PCDH17: variants seen among roughly 807,000 people sequenced by gnomAD.
PCDH17 encodes the protein protocadherin-17.
A neutral mutation model predicts 67.7 loss-of-function variants in PCDH17; 21 were observed. That is an observed-to-expected ratio of 0.31 (90% CI 0.22 to 0.45). The LOEUF is 0.45. Ranked by LOEUF, PCDH17 falls within the 20% of genes least tolerant of loss-of-function variation. PCDH17 has a pLI of 1.00. For missense variants in PCDH17, 1,471 were observed against 1,564.8 expected, an observed-to-expected ratio of 0.94 and a Z score of 1.01; for synonymous variants, 701 against 656.7, an observed-to-expected ratio of 1.07 and a Z score of -1.03.
intron 3 of PCDH17, 152 bp from the exon 4 acceptor site, chr13:57,724,460 C>A (rs1955896094): frequency 3.2e-6 from 2 of 627,688 alleles, no homozygotes; most frequent in Middle Eastern, 4.3e-4. Flanking sequence ...GTTTATGCAA[C>A]CATCCTGAAA....
Position 57,726,308 on chromosome 13 carries a change from CAT to C in PCDH17, c.*1017_*1018del, listed in dbSNP as rs371538501. ...GATTCAATGTGTTTACATCAAATGA[CAT>C]ATTTTATTGATTTATTGCAGATTCA... On this transcript the variant is annotated 3_prime_UTR_variant, in exon 4 of 4. Transcript: ENST00000377918. 5 of 152,698 alleles carry C rather than the reference CAT, an allele frequency of 3.3e-5. No homozygotes were observed. Among genetic ancestry groups the C allele is most frequent in the African/African-American group, 1.2e-4 (5 of 41,548 alleles). 9.5% of individuals were successfully genotyped at this position (152,698 alleles called of 1,614,324 possible).
At chr13:57,636,613 G>T (rs1264543269) in intron 1 of PCDH17, among the ~76,000 whole-genome samples, 1 of 151,716 alleles carries the variant, frequency 6.6e-6, no homozygotes, top group East Asian at 1.9e-4. Flanking sequence ...AATTTTTTAA[G>T]GTCTATATAA....
intron 3 of PCDH17, among the ~76,000 whole-genome samples, chr13:57,701,561 T>C (rs1955663035): frequency 6.6e-6 from 1 of 152,066 alleles, no homozygotes; most frequent in Non-Finnish European, 1.5e-5. Context: ...TGTCTTATAA[T>C]TTCAATATTT....
intron 1 of PCDH17, among the ~76,000 whole-genome samples, chr13:57,663,938 C>A (rs899987797): frequency 1.7e-4 from 26 of 152,046 alleles, no homozygotes; most frequent in Admixed American, 1.1e-3. Flanking sequence ...GTTTTTGAGA[C>A]AGGTTGACCA....
At chr13:57,707,334 C>CGTGTGTGTGT (rs56840875) in intron 3 of PCDH17, among the ~76,000 whole-genome samples, 1,795 of 145,794 alleles carry the variant, frequency 0.012, 41 homozygotes, top group African/African-American at 0.04. Flanking sequence ...GATATATGAC[C>CGTGTGTGTGT]GTGTGTGTGT....
chr13:57,639,160 T>A (rs1954860837), intron 1 of PCDH17, among the ~76,000 whole-genome samples: 1 of 151,906 alleles, frequency 6.6e-6, no homozygotes, highest in African/African-American at 2.4e-5. Context: ...TCTGGATTGT[T>A]TAGTTCACTC....
intron 1 of PCDH17, among the ~76,000 whole-genome samples, chr13:57,641,584 A>T (rs1593894467): frequency 1.1e-5 from 1 of 91,862 alleles, no homozygotes; most frequent in Non-Finnish European, 2.1e-5. Flanking sequence ...AAAAAAAAAA[A>T]AAAATATATA....
chr13:57,691,442 G>C (rs1309349803), intron 3 of PCDH17, among the ~76,000 whole-genome samples: 1 of 151,014 alleles, frequency 6.6e-6, no homozygotes, highest in Non-Finnish European at 1.5e-5. Context: ...TAAATGATGG[G>C]ATAAAAACTA....
At chr13:57,682,603 T>A (rs1174690210) in intron 3 of PCDH17, among the ~76,000 whole-genome samples, 1 of 151,876 alleles carries the variant, frequency 6.6e-6, no homozygotes. Flanking sequence ...CGTCTAGTGC[T>A]GAGACTGTTT....
At chr13:57,683,728 T>C (rs1005343271) in intron 3 of PCDH17, among the ~76,000 whole-genome samples, 1 of 151,866 alleles carries the variant, frequency 6.6e-6, no homozygotes, top group African/African-American at 2.4e-5. Flanking sequence ...GCCTTTCCTA[T>C]TACTGTACCC....
upstream of PCDH17, among the ~76,000 whole-genome samples, chr13:57,631,421 A>G (rs1037873511): frequency 6.6e-6 from 1 of 152,134 alleles, no homozygotes; most frequent in South Asian, 2.1e-4. Context: ...TGCACGTCCA[A>G]CCATGAGTTG....
intron 1 of PCDH17, among the ~76,000 whole-genome samples, chr13:57,640,387 G>A (rs959532602): frequency 6.6e-6 from 1 of 151,954 alleles, no homozygotes; most frequent in Non-Finnish European, 1.5e-5. Flanking sequence ...ATTTAAATAT[G>A]TGTATAAATG....
chr13:57,727,329 C>T lies in PCDH17; in HGVS notation c.*2035C>T, dbSNP rs1955922658. 6.6e-6 allele frequency: 1 copy of T among 152,470 alleles called. No homozygotes were observed. The highest frequency in any genetic ancestry group is 1.5e-5 in the Non-Finnish European group (1 of 68,010). 9.4% of individuals were successfully genotyped at this position (152,470 alleles called of 1,614,324 possible). A position where few individuals can be genotyped will look rare whatever the true frequency, so the allele number is the denominator to read the frequency against. On this transcript the variant is annotated 3_prime_UTR_variant, in exon 4 of 4. Coordinates refer to ENST00000377918, the MANE Select transcript of PCDH17 (RefSeq NM_001040429.3). ...AATTTTGTGCCTTCTCTTCTGGCCA[C>T]CAAGCCAGTGTAGAAACAGCAAAAA...
intron 3 of PCDH17, among the ~76,000 whole-genome samples, chr13:57,698,185 T>C (rs1299126065): frequency 6.6e-6 from 1 of 151,496 alleles, no homozygotes; most frequent in African/African-American, 2.4e-5. Flanking sequence ...GATTCATTTA[T>C]ATACATAAAT....
intron 3 of PCDH17, among the ~76,000 whole-genome samples, chr13:57,669,278 C>T (rs536813530): frequency 2.0e-5 from 3 of 152,004 alleles, no homozygotes; most frequent in African/African-American, 7.2e-5. Context: ...TTAGATCATT[C>T]AGGAATGTCA....
chr13:57,657,588 G>T (rs1955122178), intron 1 of PCDH17, among the ~76,000 whole-genome samples: 1 of 152,160 alleles, frequency 6.6e-6, no homozygotes, highest in African/African-American at 2.4e-5. Context: ...GGCTTAAAGT[G>T]AATTATTCAC....
intron 3 of PCDH17, among the ~76,000 whole-genome samples, chr13:57,683,352 G>A (rs980311790): frequency 4.0e-5 from 6 of 151,808 alleles, no homozygotes; most frequent in Non-Finnish European, 5.9e-5. Flanking sequence ...AAAACAATAT[G>A]CAGAGGAAAC....
chr13:57,660,838 A>G (rs1593908855), intron 1 of PCDH17, among the ~76,000 whole-genome samples: 1 of 152,314 alleles, frequency 6.6e-6, no homozygotes, highest in Non-Finnish European at 1.5e-5. Context: ...TTTGAGATTC[A>G]TTCGGGTTGT....
At chr13:57,650,963 A>G (rs938051457) in intron 1 of PCDH17, among the ~76,000 whole-genome samples, 1 of 152,160 alleles carries the variant, frequency 6.6e-6, no homozygotes, top group East Asian at 1.9e-4. Context: ...AGAGATATCG[A>G]TATGTTTAAT....
Sources: gnomAD v4.1 joint callset for allele counts (sites outside exome capture counted in the v4.1 genomes callset) on GRCh38, gnomAD v4.1.1 for gene constraint, MANE v1.5 for transcripts, NCBI Gene and HGNC (gene_info 2026-07-23, HGNC 2026-07-21) for gene names.